FAM20A: variants seen among roughly 807,000 people sequenced by gnomAD.
FAM20A encodes pseudokinase FAM20A.
In FAM20A, 42 loss-of-function variants were observed where a neutral mutation model predicts 52.0. The observed-to-expected ratio is 0.81, with a 90% CI of 0.63 to 1.04. The LOEUF is 1.04. Among genes scored for constraint, FAM20A ranks in the 50% least tolerant of loss-of-function variants. The probability of loss-of-function intolerance (pLI) is 0.00; values close to 1 mark genes in which losing one functional copy is unlikely to be tolerated. For missense variants in FAM20A, 742 were observed against 712.7 expected (o/e 1.04, Z -0.47); for synonymous variants, 304 against 298.9 (o/e 1.02, Z -0.18).
chr17:68,539,983 G>A lies in FAM20A; in HGVS notation c.1220-17C>T. On this transcript the variant is annotated splice_polypyrimidine_tract_variant and intron_variant, in intron 8 of 10. Coordinates refer to ENST00000592554, the MANE Select transcript of FAM20A (RefSeq NM_017565.4). ...CCATATTCCCTGTGAAGGAGGGGAG[G>A]ACTTAGCTGGAACCAGCAGGCCAGG... 1 of 1,612,628 alleles carries A rather than the reference G, an allele frequency of 6.2e-7. No homozygotes were observed. Among genetic ancestry groups the A allele is most frequent in the Non-Finnish European group, 8.5e-7 (1 of 1,178,758 alleles).
intron 1 of FAM20A, among the ~76,000 whole-genome samples, chr17:68,571,948 A>G (rs1229893857): frequency 3.6e-5 from 5 of 140,208 alleles, no homozygotes; most frequent in East Asian, 5.1e-4. Flanking sequence ...AAATATATAT[A>G]TGTGTGTGTG....
intron 1 of FAM20A, among the ~76,000 whole-genome samples, chr17:68,581,358 C>CTTTCTTTCTTTCTTTCTT (rs2087949633): frequency 8.9e-6 from 1 of 112,558 alleles, no homozygotes; most frequent in Non-Finnish European, 1.9e-5. Flanking sequence ...GTTTTTCTTT[C>CTTTCTTTCTTTCTTTCTT]TTTCTTTCTT....
chr17:68,575,832 A>ACACACACACAC (rs1568768061), intron 1 of FAM20A, among the ~76,000 whole-genome samples: 3 of 139,832 alleles, frequency 2.1e-5, no homozygotes, highest in Admixed American at 7.6e-5. Context: ...ACACACACAC[A>ACACACACACAC]TAATCAGCCA....
At chr17:68,560,062 GC>G (rs971223795) in intron 1 of FAM20A, among the ~76,000 whole-genome samples, 2 of 152,122 alleles carry the variant, frequency 1.3e-5, no homozygotes, top group African/African-American at 2.4e-5. Flanking sequence ...GGCCATGAGG[GC>G]AGAGCCCTCA....
Position 68,600,317 on chromosome 17 carries a change from A to T in FAM20A, c.350T>A (p.Leu117Gln). Residue 117 changes from leucine (L) to glutamine (Q), a missense_variant, in exon 1 of 11, where the codon CTG (leucine) becomes CAG (glutamine). Leu to Gln is a moderately radical substitution (Grantham distance 113, BLOSUM62 -2). Transcript: ENST00000592554. This position sits in a 1 kb window ranked among gnomAD's most constrained non-coding sequence, Gnocchi z 6.2. The stretch of plus-strand genomic sequence containing the variant: ...ATACCGCAGCGCCTCCTGGCTGGCC[A>T]GGAGCGAGTCCTCGGCTCCCAGGAG... The part of the protein sequence containing the change: ...PPLLGAEDSL[L>Q]ASQEALRYYR... 6.3e-7 allele frequency: 1 copy of T among 1,590,118 alleles called. No homozygotes were observed. The highest frequency in any genetic ancestry group is 8.6e-7 in the Non-Finnish European group (1 of 1,168,602).
At chr17:68,581,355 T>TTTCTTTCTTTCTTTCC (rs2087947800) in intron 1 of FAM20A, among the ~76,000 whole-genome samples, 1 of 87,442 alleles carries the variant, frequency 1.1e-5, no homozygotes, top group Non-Finnish European at 2.6e-5. Flanking sequence ...GCAGTTTTTC[T>TTTCTTTCTTTCTTTCC]TTCTTTCTTT....
At chr17:68,549,714 G>T (rs2086744917) in intron 4 of FAM20A, among the ~76,000 whole-genome samples, 1 of 152,094 alleles carries the variant, frequency 6.6e-6, no homozygotes, top group Non-Finnish European at 1.5e-5. Flanking sequence ...TCGACTAACT[G>T]TAACAATAAT....
chr17:68,596,504 T>C (rs147845152), intron 1 of FAM20A, among the ~76,000 whole-genome samples: 1 of 152,210 alleles, frequency 6.6e-6, no homozygotes, highest in Non-Finnish European at 1.5e-5. Flanking sequence ...CTTGGGCAGC[T>C]TGTGGGCCAG....
chr17:68,566,353 C>T (rs67127022), intron 1 of FAM20A, among the ~76,000 whole-genome samples: 24,823 of 152,190 alleles, frequency 0.16, 2,252 homozygotes, highest in East Asian at 0.34. Flanking sequence ...GTACTTAACA[C>T]TGATTATGGA....
At chr17:68,555,936 A>G (rs1400942043) in intron 1 of FAM20A, among the ~76,000 whole-genome samples, 193 bp from the exon 2 acceptor site, 2 of 152,192 alleles carry the variant, frequency 1.3e-5, no homozygotes, top group Admixed American at 6.5e-5. Flanking sequence ...TCTTACCCTC[A>G]GAGGGCTTAC....
Position 68,600,567 on chromosome 17 carries a change from G to A in FAM20A, c.100C>T (p.Gln34Ter). 6.4e-7 allele frequency: 1 copy of A among 1,558,158 alleles called. No individual in the cohort carries two copies. Among genetic ancestry groups the A allele is most frequent in the Non-Finnish European group, 8.7e-7 (1 of 1,152,072 alleles). The part of the protein sequence containing the change: ...YFHLWPQVQR[Q>*]LRPRERPRGC... ...CGCGGGCGCTCCCGAGGCCGCAGCT[G>A]GCGCTGTACTTGGGGCCAGAGGTGG... The change falls in exon 1 of 11, where the codon CAG (glutamine) becomes TAG (stop). Residue 34 changes from glutamine (Q) to a stop codon, truncating the protein, a stop_gained. Coordinates refer to ENST00000592554, the MANE Select transcript of FAM20A (RefSeq NM_017565.4). LOFTEE classifies it high-confidence loss of function. The surrounding 1 kb of genome is among the most constrained non-coding windows in gnomAD (Gnocchi z 6.2).
intron 1 of FAM20A, among the ~76,000 whole-genome samples, chr17:68,571,987 CATATATAT>C (rs57442973): frequency 0.031 from 1,333 of 43,284 alleles, 22 homozygotes; most frequent in Middle Eastern, 0.047. Context: ...TATATACATA[CATATATAT>C]ATATATATAT....
chr17:68,578,212 T>G (rs1021621281), intron 1 of FAM20A, among the ~76,000 whole-genome samples: 2 of 152,202 alleles, frequency 1.3e-5, no homozygotes, highest in East Asian at 3.8e-4. Context: ...ATATTTATTT[T>G]CAAAAGTGTC....
chr17:68,578,109 G>A lies in FAM20A; in HGVS notation c.404+22154C>T, dbSNP rs2143836950. 2.0e-5 allele frequency among the ~76,000 whole-genome samples: 3 copies of A among 152,206 alleles called. No individual in the cohort carries two copies. In the South Asian group the frequency reaches 6.2e-4, roughly 32 times the overall value. On this transcript the variant is annotated intron_variant, in intron 1 of 10. Transcript: ENST00000592554. ...CCTGAATGCAAAAAGAAGAAACGTG[G>A]TGTAAAGGCAATACTCTGAGAGAAC...
intron 4 of FAM20A, chr17:68,551,175 T>C: frequency 8.3e-7 from 1 of 1,210,872 alleles, no homozygotes; most frequent in Non-Finnish European, 1.0e-6. Context: ...TGCAGATCCT[T>C]TGGGGGCCAG....
At chr17:68,540,818 T>G in intron 8 of FAM20A, 31 bp downstream of exon 8, 2 of 1,570,950 alleles carry the variant, frequency 1.3e-6, no homozygotes, top group Non-Finnish European at 1.7e-6. Flanking sequence ...CAGAGCCCAC[T>G]TCTGCTGGGG....
chr17:68,553,947 CACATAT>C (rs1711890087), intron 3 of FAM20A, among the ~76,000 whole-genome samples: 1 of 147,176 alleles, frequency 6.8e-6, no homozygotes, highest in African/African-American at 2.5e-5. Context: ...CATATATACA[CACATAT>C]ATGCATATAT....
intron 1 of FAM20A, among the ~76,000 whole-genome samples, chr17:68,588,480 A>G (rs1163446622): frequency 6.6e-6 from 1 of 152,240 alleles, no homozygotes; most frequent in Non-Finnish European, 1.5e-5. Flanking sequence ...ATAACAAAAT[A>G]CCACAGACTA....
chr17:68,594,906 G>C (rs190843981), intron 1 of FAM20A, among the ~76,000 whole-genome samples: 2 of 152,302 alleles, frequency 1.3e-5, no homozygotes, highest in East Asian at 3.9e-4. Context: ...AAGGGTAACT[G>C]GTACGGGGCC....
Sources: allele counts gnomAD v4.1 joint callset (sites outside exome capture counted in the v4.1 genomes callset), GRCh38; gene constraint gnomAD v4.1.1; non-coding constraint Gnocchi (gnomAD v3.1); transcripts MANE v1.5; gene names NCBI Gene and HGNC (gene_info 2026-07-23, HGNC 2026-07-21).